Variants in USH2A observed in about 807,000 individuals in gnomAD.
USH2A encodes Usher syndrome 2A (autosomal recessive, mild).
Under a neutral mutation model 538.9 loss-of-function variants are expected in USH2A, and 443 were observed. The observed-to-expected ratio is 0.82, with a 90% CI of 0.76 to 0.89. USH2A has a LOEUF of 0.89. USH2A is among the 40% of genes least tolerant of loss of function. The pLI, the probability that USH2A is intolerant of heterozygous loss-of-function variation, is 0.00. For missense variants in USH2A, 6,633 were observed against 6,324.8 expected (o/e 1.05, Z -1.65); for synonymous variants, 2,413 against 2,273.5 (o/e 1.06, Z -1.75).
At chr1:215,844,645 G>A (rs1249119955) in intron 45 of USH2A, 149 bp from the exon 46 acceptor site, 6 of 833,908 alleles carry the variant, frequency 7.2e-6, no homozygotes, top group Admixed American at 4.2e-5. Context: ...GTAGTCCTCT[G>A]TAAATTGGCT....
intron 19 of USH2A, among the ~76,000 whole-genome samples, chr1:216,192,477 A>G (rs2034739422): frequency 6.6e-6 from 1 of 152,078 alleles, no homozygotes; most frequent in Non-Finnish European, 1.5e-5. Flanking sequence ...GGATCACTTG[A>G]GGCTAGGGGT....
rs1419214740 is a variant in USH2A at position 216,063,292 on chromosome 1, ATC to A, written c.6049+6807_6049+6808del. On this transcript the variant is annotated intron_variant, in intron 30 of 71. Transcript: ENST00000307340. The stretch of plus-strand genomic sequence containing the variant: ...GCTCTCTGCTTTATCAGCTCCTTCC[ATC>A]TCACTTCCTAGTATTCCTTTTGTTT... 3.3e-5 allele frequency among the ~76,000 whole-genome samples: 5 copies of A among 152,182 alleles called. No homozygotes were observed. In the East Asian group the frequency reaches 9.7e-4, roughly 29 times the overall value.
chr1:216,375,024 G>T (rs967975014), intron 3 of USH2A, among the ~76,000 whole-genome samples: 2 of 152,030 alleles, frequency 1.3e-5, no homozygotes, highest in African/African-American at 4.8e-5. Context: ...AGGGACTATG[G>T]ATATATAGGG....
chr1:216,143,784 TG>T (rs2033643890), intron 21 of USH2A, among the ~76,000 whole-genome samples: 1 of 152,214 alleles, frequency 6.6e-6, no homozygotes, highest in African/African-American at 2.4e-5. Flanking sequence ...GATGACCTTA[TG>T]GAATTTAGCT....
chr1:216,097,313 T>C (rs774106719), intron 21 of USH2A, 100 bp from the exon 22 acceptor site: 3 of 1,592,650 alleles, frequency 1.9e-6, no homozygotes, highest in East Asian at 2.2e-5. Context: ...ATGTAGTGAG[T>C]ACAGTCAGGA....
At chr1:216,316,232 G>A (rs1009074597) in intron 9 of USH2A, among the ~76,000 whole-genome samples, 2 of 152,090 alleles carry the variant, frequency 1.3e-5, no homozygotes, top group African/African-American at 4.8e-5. Flanking sequence ...TTTCATCTCA[G>A]AGTAAACAGT....
At chr1:216,039,643 T>C (rs143104453) in intron 32 of USH2A, among the ~76,000 whole-genome samples, 2 of 152,092 alleles carry the variant, frequency 1.3e-5, no homozygotes, top group African/African-American at 4.8e-5. Flanking sequence ...AATTCTATTT[T>C]GCTAAGAAAA....
At chr1:215,853,504 T>C (rs1486014606) in intron 44 of USH2A, among the ~76,000 whole-genome samples, 1 of 152,346 alleles carries the variant, frequency 6.6e-6, no homozygotes, top group Admixed American at 6.5e-5. Flanking sequence ...CTTAGGTAAA[T>C]TATGTAAATT....
At chr1:215,715,783 G>A (rs1192106955) in intron 61 of USH2A, among the ~76,000 whole-genome samples, 1 of 152,184 alleles carries the variant, frequency 6.6e-6, no homozygotes, top group Admixed American at 6.5e-5. Flanking sequence ...TGTCCTTCAT[G>A]TAACAGTAGT....
At chr1:215,747,939 C>T (rs1224701061) in intron 58 of USH2A, among the ~76,000 whole-genome samples, 1 of 149,132 alleles carries the variant, frequency 6.7e-6, no homozygotes, top group African/African-American at 2.5e-5. Context: ...GGCCGGACTG[C>T]GGACTGCAGT....
At chr1:216,121,304 T>TATGA (rs1469036842) in intron 21 of USH2A, among the ~76,000 whole-genome samples, 4 of 152,176 alleles carry the variant, frequency 2.6e-5, no homozygotes, top group African/African-American at 7.2e-5. Context: ...ATGATAAATT[T>TATGA]ATGAATAAAT....
chr1:215,851,084 A>G (rs181256173), intron 44 of USH2A, among the ~76,000 whole-genome samples: 6 of 152,282 alleles, frequency 3.9e-5, no homozygotes, highest in Non-Finnish European at 5.9e-5. Flanking sequence ...TGCCTATATC[A>G]AAAACTCAGA....
At position 215,671,297 on chromosome 1, in the gene USH2A, C is replaced by T. The variant is rs752091223; in HGVS notation, c.13812-4G>A. 4 of 1,613,630 alleles carry T rather than the reference C, an allele frequency of 2.5e-6. No individual in the cohort carries two copies. Among genetic ancestry groups the T allele is most frequent in the Admixed American group, 3.3e-5 (2 of 59,974 alleles). On this transcript the variant is annotated splice_polypyrimidine_tract_variant and splice_region_variant and intron_variant, in intron 63 of 71. Transcript: ENST00000307340. ...CGCTTGAATTCGTATTTCATACCTT[C>T]AGGACATAAGGCAGAAATTAGTGAT...
chr1:216,097,528 C>A (rs981878369), intron 21 of USH2A, among the ~76,000 whole-genome samples: 3 of 152,094 alleles, frequency 2.0e-5, no homozygotes, highest in African/African-American at 7.2e-5. Flanking sequence ...AATGTGAAAA[C>A]ATTATCAGAG....
At chr1:216,327,743 GT>G in intron 4 of USH2A, 89 bp from the exon 5 acceptor site, 1 of 1,505,348 alleles carries the variant, frequency 6.6e-7, no homozygotes, top group Non-Finnish European at 9.2e-7. Flanking sequence ...CTTTGAAGAT[GT>G]TAAGGTTAAA....
chr1:215,743,136 T>C, intron 59 of USH2A, 41 bp downstream of exon 59: 4 of 1,598,936 alleles, frequency 2.5e-6, no homozygotes, highest in Non-Finnish European at 2.6e-6. Context: ...ATGAAATACT[T>C]TTTCATAAAA....
intron 32 of USH2A, among the ~76,000 whole-genome samples, chr1:216,038,901 T>A (rs554974294): frequency 6.6e-5 from 10 of 152,180 alleles, no homozygotes; most frequent in South Asian, 2.1e-4. Context: ...TTCCCATGAT[T>A]CTTCTAAAAT....
intron 11 of USH2A, among the ~76,000 whole-genome samples, chr1:216,274,249 T>C (rs553828405): frequency 9.9e-5 from 15 of 152,206 alleles, no homozygotes; most frequent in African/African-American, 3.1e-4. Flanking sequence ...GCTTAGCCAA[T>C]ATTGAAGCAT....
intron 16 of USH2A, among the ~76,000 whole-genome samples, chr1:216,203,420 T>C (rs1316114115): frequency 2.6e-5 from 4 of 152,118 alleles, no homozygotes; most frequent in African/African-American, 9.7e-5. Context: ...TATGTGAATA[T>C]GGTCTTTCTC....
Sources: gnomAD v4.1 joint callset for allele counts (sites outside exome capture counted in the v4.1 genomes callset) on GRCh38, gnomAD v4.1.1 for gene constraint, MANE v1.5 for transcripts, NCBI Gene and HGNC (gene_info 2026-07-23, HGNC 2026-07-21) for gene names.